CDH18: variants seen among roughly 807,000 people sequenced by gnomAD.
CDH18 encodes cadherin-18.
A neutral mutation model predicts 67.9 loss-of-function variants in CDH18; 31 were observed. The observed-to-expected ratio is 0.46, with a 90% confidence interval of 0.34 to 0.62. CDH18 has a LOEUF of 0.62. Ranked by LOEUF, CDH18 falls within the 20% of genes least tolerant of loss-of-function variation. The pLI is 0.01. For missense variants in CDH18, 890 were observed against 975.5 expected, an observed-to-expected ratio of 0.91 and a Z score of 1.17; for synonymous variants, 362 against 347.2, an observed-to-expected ratio of 1.04 and a Z score of -0.48.
intron 3 of CDH18, among the ~76,000 whole-genome samples, chr5:19,774,277 A>G (rs1220734430): frequency 6.6e-6 from 1 of 151,970 alleles, no homozygotes; most frequent in Non-Finnish European, 1.5e-5. Context: ...GGCTGGGCAT[A>G]GTGGCTCATG....
Position 20,165,351 on chromosome 5 carries a change from G to A in CDH18, c.-518+90093C>T, listed in dbSNP as rs553992089. ...GAGACTGTGCTACACTTTGAGGATA[G>A]AGAAATGATTAAAGGACAATCTCTG... On this transcript the variant is annotated intron_variant, in intron 2 of 14. Transcript: ENST00000507958. Among the ~76,000 whole-genome samples the A allele has an allele frequency of 2.1e-4, 32 of 152,106 alleles. No homozygotes were observed. The East Asian group carries it at 2.7e-3, about 13-fold the overall frequency.
At chr5:20,110,971 G>A (rs547275741) in intron 2 of CDH18, among the ~76,000 whole-genome samples, 5 of 152,124 alleles carry the variant, frequency 3.3e-5, no homozygotes, top group African/African-American at 1.2e-4. Flanking sequence ...ATGTCTCATA[G>A]TAAAGGATAA....
At chr5:20,112,046 T>C (rs1747524190) in intron 2 of CDH18, among the ~76,000 whole-genome samples, 1 of 152,182 alleles carries the variant, frequency 6.6e-6, no homozygotes, top group Non-Finnish European at 1.5e-5. Flanking sequence ...GTCAAAATTA[T>C]AGCAAATATG....
At chr5:19,994,539 C>G (rs1045843798) in intron 2 of CDH18, among the ~76,000 whole-genome samples, 1 of 149,560 alleles carries the variant, frequency 6.7e-6, no homozygotes, top group Non-Finnish European at 1.5e-5. Flanking sequence ...GAAATTGAAA[C>G]TACTCAGTAA....
At chr5:20,128,282 C>T (rs1748992228) in intron 2 of CDH18, among the ~76,000 whole-genome samples, 2 of 151,938 alleles carry the variant, frequency 1.3e-5, no homozygotes, top group South Asian at 4.2e-4. Context: ...AAGAAAAGTT[C>T]TTTGAAAACA....
intron 1 of CDH18, among the ~76,000 whole-genome samples, chr5:20,384,325 A>G (rs556002141): frequency 6.6e-6 from 1 of 152,302 alleles, no homozygotes; most frequent in Admixed American, 6.5e-5. Context: ...GATATCACAT[A>G]AAAGTGAGAT....
intron 8 of CDH18, among the ~76,000 whole-genome samples, chr5:19,562,206 C>T (rs1002237759): frequency 1.3e-5 from 2 of 152,156 alleles, no homozygotes; most frequent in Non-Finnish European, 2.9e-5. Context: ...ATACCTTTAA[C>T]ATGAACACAG....
chr5:19,659,246 G>GA (rs1756838823), intron 5 of CDH18, among the ~76,000 whole-genome samples: 1 of 151,934 alleles, frequency 6.6e-6, no homozygotes, highest in Non-Finnish European at 1.5e-5. Context: ...AGTAATTGTG[G>GA]AAAAAATGAA....
intron 1 of CDH18, among the ~76,000 whole-genome samples, chr5:20,300,210 A>AT (rs1044324385): frequency 9.2e-5 from 14 of 152,142 alleles, no homozygotes; most frequent in Admixed American, 8.5e-4. Context: ...TAGAGATCTG[A>AT]TTCTCCCCAA....
intron 2 of CDH18, among the ~76,000 whole-genome samples, chr5:20,157,867 C>T (rs907514881): frequency 3.3e-5 from 5 of 152,168 alleles, no homozygotes; most frequent in South Asian, 4.1e-4. Context: ...GTCTCGATCT[C>T]CTGACCTTGT....
chr5:20,244,749 G>C (rs1284938756), intron 2 of CDH18, among the ~76,000 whole-genome samples: 1 of 151,940 alleles, frequency 6.6e-6, no homozygotes, highest in African/African-American at 2.4e-5. Flanking sequence ...GTATTATTTT[G>C]TTATCAAATA....
intron 3 of CDH18, among the ~76,000 whole-genome samples, chr5:19,755,938 G>T (rs1403870776): frequency 6.6e-6 from 1 of 152,028 alleles, no homozygotes; most frequent in Non-Finnish European, 1.5e-5. Flanking sequence ...ATCTCTTTTG[G>T]CAACACCCTC....
At chr5:20,077,820 A>G in intron 2 of CDH18, among the ~76,000 whole-genome samples, 1 of 152,206 alleles carries the variant, frequency 6.6e-6, no homozygotes, top group East Asian at 1.9e-4. Context: ...ATAGATTTCA[A>G]ATGCTTGGAA....
At chr5:19,761,613 C>A (rs1013101037) in intron 3 of CDH18, among the ~76,000 whole-genome samples, 3 of 152,046 alleles carry the variant, frequency 2.0e-5, no homozygotes, top group Non-Finnish European at 4.4e-5. Context: ...AATGGAAGAA[C>A]ATTCCATGGT....
At chr5:19,871,748 G>T (rs1008159541) in intron 2 of CDH18, among the ~76,000 whole-genome samples, 1 of 152,094 alleles carries the variant, frequency 6.6e-6, no homozygotes, top group Non-Finnish European at 1.5e-5. Flanking sequence ...GAAAAGAGAG[G>T]ATGCAAGATC....
At chr5:19,580,041 C>A (rs1266847938) in intron 7 of CDH18, among the ~76,000 whole-genome samples, 2 of 151,666 alleles carry the variant, frequency 1.3e-5, no homozygotes, top group Admixed American at 6.6e-5. Context: ...TTTAATGACA[C>A]AATAATTATA....
chr5:19,719,961 G>A lies in CDH18; in HGVS notation c.643+1386C>T, dbSNP rs929124083. 7.2e-3 allele frequency among the ~76,000 whole-genome samples: 1,090 copies of A among 150,392 alleles called. 15 individuals carry two copies. Among genetic ancestry groups the A allele is most frequent in the African/African-American group, 0.025 (1,033 of 41,112 alleles). On this transcript the variant is annotated intron_variant, in intron 5 of 12. Coordinates refer to ENST00000382275, the MANE Select transcript of CDH18 (RefSeq NM_004934.5). Reference sequence around the variant, plus strand: ...AGAAAGAAAGAAAGAAAGAAAGAAGGAAAGAGTTAAGCAAGTATGTCTGAG... The same window carrying A: ...AGAAAGAAAGAAAGAAAGAAAGAAGAAAAGAGTTAAGCAAGTATGTCTGAG...
In CDH18 at chr5:20,013,816, A is replaced by C. The variant is rs377198467; in HGVS notation, c.-517-21802T>G. 3.9e-5 allele frequency among the ~76,000 whole-genome samples: 6 copies of C among 152,242 alleles called. No individual in the cohort carries two copies. In the South Asian group the frequency reaches 6.2e-4, roughly 16 times the overall value. ...ATCGTAAGTGTATTTTGAGATCTAA[A>C]ATTAGAATATCACTTTGTTTGTTCT... On this transcript the variant is annotated intron_variant, in intron 2 of 14. Coordinates refer to the CDH18 transcript ENST00000507958.
intron 1 of CDH18, among the ~76,000 whole-genome samples, chr5:20,408,655 A>C (rs530530038): frequency 3.3e-5 from 5 of 151,998 alleles, no homozygotes; most frequent in Middle Eastern, 3.4e-3. Context: ...ACAAAGCAAG[A>C]CAGTATAAGA....
Sources: allele counts gnomAD v4.1 joint callset (sites outside exome capture counted in the v4.1 genomes callset), GRCh38; gene constraint gnomAD v4.1.1; transcripts MANE v1.5; gene names NCBI Gene and HGNC (gene_info 2026-07-23, HGNC 2026-07-21).